The following NAALADL2 variants were observed in gnomAD, a reference collection of about 807,000 sequenced individuals.
NAALADL2 encodes the protein inactive N-acetylated-alpha-linked acidic dipeptidase-like protein 2.
In NAALADL2, 76 loss-of-function variants were observed where a neutral mutation model predicts 87.2. The ratio of observed to expected loss-of-function variants is 0.87; its 90% CI spans 0.72 to 1.05. NAALADL2 has a LOEUF of 1.05. Among genes scored for constraint, NAALADL2 ranks in the 50% least tolerant of loss-of-function variants. The pLI is 0.00. For synonymous variants in NAALADL2, 354 were observed against 331.0 expected, an observed-to-expected ratio of 1.07 and a Z score of -0.75; for missense variants, 1,089 against 945.8, an observed-to-expected ratio of 1.15 and a Z score of -1.99.
chr3:175,441,804 T>C (rs1719815960), intron 5 of NAALADL2, among the ~76,000 whole-genome samples: 1 of 152,144 alleles, frequency 6.6e-6, no homozygotes, highest in Non-Finnish European at 1.5e-5. Flanking sequence ...GCCCCTCTTT[T>C]ATTTAACCAG....
At chr3:175,793,095 C>T (rs961974869) in intron 13 of NAALADL2, among the ~76,000 whole-genome samples, 4 of 152,116 alleles carry the variant, frequency 2.6e-5, no homozygotes, top group Non-Finnish European at 5.9e-5. Context: ...GACTGTGTTA[C>T]TTGAATCAAC....
intron 2 of NAALADL2, among the ~76,000 whole-genome samples, chr3:174,735,247 A>G (rs772465181): frequency 6.6e-6 from 1 of 152,232 alleles, no homozygotes; most frequent in Non-Finnish European, 1.5e-5. Flanking sequence ...CAATATCTTA[A>G]AATAACATAT....
At chr3:175,368,566 TGTGTGA>T (rs1007764791) in intron 5 of NAALADL2, among the ~76,000 whole-genome samples, 1 of 145,402 alleles carries the variant, frequency 6.9e-6, no homozygotes, top group African/African-American at 2.6e-5. Flanking sequence ...GTAGCAGGTG[TGTGTGA>T]GTGTGTGTGT....
rs2149325948 is a variant in NAALADL2, at chr3:175,483,677, T to C, written c.1653+11919T>C. On this transcript the variant is annotated intron_variant, in intron 9 of 13. Transcript: ENST00000454872. ...CACAGATGTCCCATGTTAAAAGCAATGGGCTACTGGTTACTGGTTTGGGTA... is the reference window on the plus strand; with the variant it reads ...CACAGATGTCCCATGTTAAAAGCAACGGGCTACTGGTTACTGGTTTGGGTA... Among the ~76,000 whole-genome samples the C allele has an allele frequency of 1.3e-5, 2 of 152,172 alleles. 1 individual carries two copies. Among genetic ancestry groups the C allele is most frequent in the South Asian group, 4.1e-4 (2 of 4,822 alleles).
At chr3:174,733,582 G>A (rs1732909194) in intron 2 of NAALADL2, among the ~76,000 whole-genome samples, 1 of 152,232 alleles carries the variant, frequency 6.6e-6, no homozygotes, top group Non-Finnish European at 1.5e-5. Flanking sequence ...GAGCTTCTTT[G>A]TGAACATGTC....
intron 2 of NAALADL2, among the ~76,000 whole-genome samples, chr3:174,715,267 A>G (rs1460512717): frequency 1.3e-5 from 2 of 152,106 alleles, no homozygotes; most frequent in African/African-American, 4.8e-5. Context: ...ATATTTTACA[A>G]CCAGTTTATT....
intron 2 of NAALADL2, among the ~76,000 whole-genome samples, chr3:175,228,037 T>C (rs1744409513): frequency 6.6e-6 from 1 of 152,004 alleles, no homozygotes; most frequent in Admixed American, 6.6e-5. Context: ...GACCAGTATT[T>C]CTACAATCAT....
In NAALADL2 at chr3:175,757,076, T is replaced by G. The variant is rs181796017; in HGVS notation, c.2189+1658T>G. Among the ~76,000 whole-genome samples, 235 of 151,810 alleles carry G rather than the reference T, an allele frequency of 1.5e-3. 1 individual carries two copies. Among genetic ancestry groups the G allele is most frequent in the African/African-American group, 5.6e-3 (231 of 41,464 alleles). On this transcript the variant is annotated intron_variant, in intron 13 of 13. Coordinates refer to ENST00000454872, the MANE Select transcript of NAALADL2 (RefSeq NM_207015.3). ...TTTATGTAGTGTGAAAGTCCAAATT[T>G]GTGGCCCTTTAAGAATGAAAGTTCT...
chr3:175,790,443 A>G (rs965944428), intron 13 of NAALADL2, among the ~76,000 whole-genome samples: 3 of 152,208 alleles, frequency 2.0e-5, no homozygotes, highest in African/African-American at 7.2e-5. Context: ...GAGCCAGTAG[A>G]TGTTTAGATG....
At chr3:174,496,509 A>ATT (rs1172679829) in intron 1 of NAALADL2, among the ~76,000 whole-genome samples, 1 of 77,776 alleles carries the variant, frequency 1.3e-5, no homozygotes, top group Non-Finnish European at 2.5e-5. Context: ...ATATTTATAT[A>ATT]TTATATATAT....
At chr3:174,797,889 G>A (rs1379549970) in intron 3 of NAALADL2, among the ~76,000 whole-genome samples, 1 of 151,934 alleles carries the variant, frequency 6.6e-6, no homozygotes, top group African/African-American at 2.4e-5. Context: ...CTATTTTTTG[G>A]TGACTTGTAC....
chr3:175,026,551 A>T lies in NAALADL2; in HGVS notation c.44-70239A>T, dbSNP rs541863545. Among the ~76,000 whole-genome samples, 9 of 151,184 alleles carry T rather than the reference A, an allele frequency of 6.0e-5. No homozygotes were observed. In the South Asian group the frequency reaches 1.7e-3, roughly 28 times the overall value. Reference sequence around the variant, plus strand: ...ATGCCTGTAATCCCAACTACTTGGGAGGCTGAGGCAGGAGAATTGCTTGAA... The same window carrying T: ...ATGCCTGTAATCCCAACTACTTGGGTGGCTGAGGCAGGAGAATTGCTTGAA... On this transcript the variant is annotated intron_variant, in intron 1 of 13. Coordinates refer to ENST00000454872, the MANE Select transcript of NAALADL2 (RefSeq NM_207015.3).
rs185845970 is a variant in NAALADL2, at chr3:175,095,130, G to A, written c.44-1660G>A. 1.8e-4 allele frequency among the ~76,000 whole-genome samples: 28 copies of A among 152,082 alleles called. 2 individuals are homozygous for A. The East Asian group carries it at 5.0e-3, about 27-fold the overall frequency. Reference sequence around the variant, plus strand: ...TCCTCAGCCATAGAGTACCACTCTAGGTTTTTCAAATGGGGCATTCTTATT... The same window carrying A: ...TCCTCAGCCATAGAGTACCACTCTAAGTTTTTCAAATGGGGCATTCTTATT... On this transcript the variant is annotated intron_variant, in intron 1 of 13. Coordinates refer to ENST00000454872, the MANE Select transcript of NAALADL2 (RefSeq NM_207015.3).
intron 4 of NAALADL2, among the ~76,000 whole-genome samples, chr3:175,293,024 G>A (rs1157209695): frequency 8.7e-6 from 1 of 114,756 alleles, no homozygotes; most frequent in African/African-American, 3.6e-5. Context: ...GTGACAGAGC[G>A]AGACTCCGTC....
intron 9 of NAALADL2, among the ~76,000 whole-genome samples, chr3:175,495,096 T>A (rs6775351): frequency 0.1 from 14,882 of 145,378 alleles, 902 homozygotes; most frequent in African/African-American, 0.15. Flanking sequence ...ATATATATTT[T>A]TTTTTAATTT....
chr3:174,481,080 A>G (rs1314246717), intron 1 of NAALADL2, among the ~76,000 whole-genome samples: 1 of 152,094 alleles, frequency 6.6e-6, no homozygotes, highest in Non-Finnish European at 1.5e-5. Context: ...TTGGAGATTG[A>G]CTTATCGCAT....
intron 1 of NAALADL2, among the ~76,000 whole-genome samples, chr3:174,984,898 T>G (rs1371309305): frequency 6.7e-6 from 1 of 148,472 alleles, no homozygotes; most frequent in Non-Finnish European, 1.5e-5. Context: ...TTTTTGCCTG[T>G]ACCTCTAACC....
rs147944628 is a variant in NAALADL2, at chr3:175,548,370, G to C, written c.1654-27671G>C. Among the ~76,000 whole-genome samples the C allele has an allele frequency of 6.0e-3, 906 of 152,122 alleles. 4 individuals are homozygous for C. The highest frequency in any genetic ancestry group is 0.02 in the African/African-American group (842 of 41,522). ...AATTATGAGAACACATGGACACATA[G>C]AGGGGAACAACACACACTGGGACCT... is the stretch of plus-strand genomic sequence containing the variant. On this transcript the variant is annotated intron_variant, in intron 9 of 13. Transcript: ENST00000454872.
chr3:174,609,796 C>G (rs1415653114), intron 2 of NAALADL2, among the ~76,000 whole-genome samples: 1 of 152,088 alleles, frequency 6.6e-6, no homozygotes, highest in Non-Finnish European at 1.5e-5. Flanking sequence ...ACTTTCTTCA[C>G]AGAATTGGAA....
Sources: allele counts gnomAD v4.1 joint callset (sites outside exome capture counted in the v4.1 genomes callset), GRCh38; gene constraint gnomAD v4.1.1; transcripts MANE v1.5; gene names NCBI Gene and HGNC (gene_info 2026-07-23, HGNC 2026-07-21).